LDB2: variants seen among roughly 807,000 people sequenced by gnomAD.
LDB2 encodes the protein LIM domain-binding protein 2.
LDB2 carries 12 observed loss-of-function variants against 44.3 expected under a neutral mutation model. That is an observed-to-expected ratio of 0.27 (90% CI 0.17 to 0.44). The LOEUF (loss-of-function observed/expected upper bound fraction) is 0.44, where lower values mean the gene tolerates loss of function less well. Ranked by LOEUF, LDB2 falls within the 20% of genes least tolerant of loss-of-function variation. LDB2 has a pLI of 1.00. For missense variants in LDB2, 344 were observed against 473.5 expected (o/e 0.73, Z 2.54); for synonymous variants, 164 against 174.8 (o/e 0.94, Z 0.49).
At chr4:16,560,252 C>T (rs963541487) in intron 5 of LDB2, among the ~76,000 whole-genome samples, 3 of 151,970 alleles carry the variant, frequency 2.0e-5, no homozygotes, top group African/African-American at 7.2e-5. Context: ...CACCAAAAAC[C>T]CTTAAAAAAT....
intron 1 of LDB2, among the ~76,000 whole-genome samples, chr4:16,770,992 G>T (rs1036184572): frequency 3.3e-5 from 5 of 152,092 alleles, no homozygotes; most frequent in African/African-American, 9.7e-5. Flanking sequence ...CTTGAGAAAA[G>T]TTCACTGTAA....
intron 2 of LDB2, among the ~76,000 whole-genome samples, chr4:16,697,297 A>ACACACACACACG: frequency 6.6e-6 from 1 of 151,070 alleles, no homozygotes; most frequent in Non-Finnish European, 1.5e-5. Flanking sequence ...ACACACACAC[A>ACACACACACACG]CACACAAATT....
At chr4:16,608,298 G>A (rs1724535345) in intron 2 of LDB2, among the ~76,000 whole-genome samples, 1 of 151,514 alleles carries the variant, frequency 6.6e-6, no homozygotes, top group Non-Finnish European at 1.5e-5. Flanking sequence ...GAAATGAGAA[G>A]CAGTAAAAAA....
intron 1 of LDB2, among the ~76,000 whole-genome samples, chr4:16,810,528 T>C (rs77084373): frequency 0.015 from 2,318 of 152,158 alleles, 58 homozygotes; most frequent in African/African-American, 0.051. Context: ...CTATTAATAC[T>C]GTCCTTAGAA....
chr4:16,573,597 T>G (rs554257586), intron 5 of LDB2, among the ~76,000 whole-genome samples: 12 of 152,330 alleles, frequency 7.9e-5, no homozygotes, highest in African/African-American at 2.6e-4. Flanking sequence ...GGGCCACACT[T>G]TGAATAGCAG....
intron 2 of LDB2, among the ~76,000 whole-genome samples, chr4:16,731,309 G>A (rs1760700496): frequency 6.6e-6 from 1 of 152,098 alleles, no homozygotes; most frequent in Admixed American, 6.6e-5. Context: ...TCCGAAATAT[G>A]GGTTCACTTA....
chr4:16,688,047 T>C (rs920340102), intron 2 of LDB2, among the ~76,000 whole-genome samples: 4 of 152,176 alleles, frequency 2.6e-5, no homozygotes, highest in Non-Finnish European at 2.9e-5. Context: ...ATGAGTCAGA[T>C]AAAGAAAATA....
At chr4:16,885,705 T>A (rs1407268192) in intron 1 of LDB2, among the ~76,000 whole-genome samples, 2 of 152,202 alleles carry the variant, frequency 1.3e-5, no homozygotes, top group Non-Finnish European at 1.5e-5. Context: ...ATGGACCTTG[T>A]GAAAGATTAC....
intron 1 of LDB2, among the ~76,000 whole-genome samples, chr4:16,860,570 G>C (rs544481229): frequency 6.6e-6 from 1 of 152,304 alleles, no homozygotes; most frequent in East Asian, 1.9e-4. Context: ...CCTCACGTAA[G>C]TCATTCAATA....
At chr4:16,778,841 A>C (rs1772535079) in intron 1 of LDB2, among the ~76,000 whole-genome samples, 1 of 152,214 alleles carries the variant, frequency 6.6e-6, no homozygotes, top group South Asian at 2.1e-4. Flanking sequence ...AGACAAATAT[A>C]TAACAAAGTT....
At chr4:16,563,574 G>A (rs1171178026) in intron 5 of LDB2, among the ~76,000 whole-genome samples, 77 of 148,738 alleles carry the variant, frequency 5.2e-4, no homozygotes, top group African/African-American at 1.6e-3. Flanking sequence ...TCAGCCTCCC[G>A]AGTAGCTGGG....
intron 2 of LDB2, among the ~76,000 whole-genome samples, chr4:16,603,530 T>C (rs1723128724): frequency 6.6e-6 from 1 of 152,206 alleles, no homozygotes; most frequent in Non-Finnish European, 1.5e-5. Context: ...CTCCATTACA[T>C]AGAGCTCCTG....
At chr4:16,753,942 C>T (rs556413718) in intron 2 of LDB2, among the ~76,000 whole-genome samples, 2 of 152,232 alleles carry the variant, frequency 1.3e-5, no homozygotes, top group South Asian at 4.2e-4. Context: ...GAAAGCGCTG[C>T]CAAAAACTTT....
chr4:16,889,081 T>A (rs78754685), intron 1 of LDB2, among the ~76,000 whole-genome samples: 189 of 142,134 alleles, frequency 1.3e-3, no homozygotes, highest in African/African-American at 3.6e-3. Flanking sequence ...TCTCTCTCTC[T>A]CACACACATA....
chr4:16,656,122 G>A (rs1215638611), intron 2 of LDB2, among the ~76,000 whole-genome samples: 1 of 151,932 alleles, frequency 6.6e-6, no homozygotes, highest in Non-Finnish European at 1.5e-5. Flanking sequence ...GGATGGTCCC[G>A]ATCTCCGGAC....
intron 2 of LDB2, among the ~76,000 whole-genome samples, chr4:16,643,067 T>C (rs1029230637): frequency 1.3e-5 from 2 of 152,164 alleles, no homozygotes; most frequent in Non-Finnish European, 2.9e-5. Context: ...TAGACTTGTA[T>C]GTATATTTAT....
chr4:16,662,367 A>G (rs2152541988), intron 2 of LDB2, among the ~76,000 whole-genome samples: 1 of 152,350 alleles, frequency 6.6e-6, no homozygotes, highest in South Asian at 2.1e-4. Context: ...TAAAAAATAA[A>G]TATTGGACAT....
intron 5 of LDB2, among the ~76,000 whole-genome samples, chr4:16,576,686 T>C (rs1419298088): frequency 6.6e-6 from 1 of 152,154 alleles, no homozygotes; most frequent in Non-Finnish European, 1.5e-5. Context: ...ACTGAAACTA[T>C]TCCAACAAAT....
intron 1 of LDB2, among the ~76,000 whole-genome samples, chr4:16,872,975 G>A (rs1383955863): frequency 6.6e-6 from 1 of 152,154 alleles, no homozygotes; most frequent in African/African-American, 2.4e-5. Flanking sequence ...CCCATTGACA[G>A]CCCAGTGACA....
Sources: gnomAD v4.1 joint callset for allele counts (sites outside exome capture counted in the v4.1 genomes callset) on GRCh38, gnomAD v4.1.1 for gene constraint, MANE v1.5 for transcripts, NCBI Gene and HGNC (gene_info 2026-07-23, HGNC 2026-07-21) for gene names.